Variants in N4BP2L2 observed in about 807,000 individuals in gnomAD.
N4BP2L2 encodes the protein NEDD4 binding protein 2 like 2.
N4BP2L2 carries 50 observed loss-of-function variants against 56.2 expected under a neutral mutation model. The ratio of observed to expected loss-of-function variants is 0.89; its 90% CI spans 0.71 to 1.13. N4BP2L2 has a LOEUF of 1.13. Ranked by LOEUF, N4BP2L2 falls within the 50% of genes most tolerant of loss-of-function variation. The pLI is 0.00. For synonymous variants in N4BP2L2, 203 were observed against 223.6 expected (o/e 0.91, Z 0.82); for missense variants, 689 against 693.8 (o/e 0.99, Z 0.08).
At chr13:32,477,538 T>C (rs766332539) in intron 6 of N4BP2L2, 2 of 217,230 alleles carry the variant, frequency 9.2e-6, no homozygotes, top group African/African-American at 2.3e-5. Flanking sequence ...GAACTGAGAG[T>C]TCCTTCCTAC....
intron 6 of N4BP2L2, among the ~76,000 whole-genome samples, chr13:32,486,374 C>T (rs971655696): frequency 5.3e-5 from 8 of 152,068 alleles, no homozygotes; most frequent in Non-Finnish European, 1.2e-4. Context: ...TAATTAAAAA[C>T]TATTAAAAAT....
chr13:32,438,577 C>T, intron 8 of N4BP2L2: 1 of 1,218,048 alleles, frequency 8.2e-7, no homozygotes, highest in Non-Finnish European at 1.2e-6. Context: ...CCAGCCTGGG[C>T]AACAAGAATG....
At chr13:32,489,907 C>T (rs1235662022) in intron 6 of N4BP2L2, among the ~76,000 whole-genome samples, 2 of 152,074 alleles carry the variant, frequency 1.3e-5, no homozygotes, top group Non-Finnish European at 2.9e-5. Context: ...ATAATAAACA[C>T]TAAAAAAGAT....
intron 6 of N4BP2L2, among the ~76,000 whole-genome samples, chr13:32,467,593 T>G (rs990885562): frequency 1.3e-5 from 2 of 151,500 alleles, no homozygotes; most frequent in African/African-American, 4.8e-5. Flanking sequence ...AGGGCACTAT[T>G]CTAGAGACAA....
chr13:32,521,542 A>T, intron 4 of N4BP2L2, 93 bp from the exon 5 acceptor site: 2 of 803,118 alleles, frequency 2.5e-6, no homozygotes, highest in Admixed American at 5.1e-5. Context: ...CGACAATACT[A>T]TACACTTGCT....
intron 2 of N4BP2L2, among the ~76,000 whole-genome samples, chr13:32,535,121 CTCATT>C (rs1174601076): frequency 2.0e-5 from 3 of 152,202 alleles, no homozygotes; most frequent in East Asian, 3.8e-4. Flanking sequence ...CTTGGGTCAT[CTCATT>C]TGATTCCCAA....
At chr13:32,450,622 C>T (rs2138457577) in intron 6 of N4BP2L2, among the ~76,000 whole-genome samples, 1 of 104,154 alleles carries the variant, frequency 9.6e-6, no homozygotes. Context: ...CTGCGCCCGG[C>T]TTTTTTTGTT....
downstream of N4BP2L2, chr13:32,508,891 TCAGA>T (rs991202915): frequency 2.0e-5 from 3 of 152,198 alleles, no homozygotes; most frequent in African/African-American, 4.8e-5. Flanking sequence ...AGTATTCTTC[TCAGA>T]CAGTCTAGAA....
intron 6 of N4BP2L2, among the ~76,000 whole-genome samples, chr13:32,499,971 C>G (rs1192109363): frequency 6.6e-6 from 1 of 152,222 alleles, no homozygotes; most frequent in Non-Finnish European, 1.5e-5. Flanking sequence ...TAGTTCTTGG[C>G]TACTGACTCT....
exon 6 of N4BP2L2, chr13:32,516,258 G>A (rs1382920542): frequency 6.6e-6 from 1 of 152,014 alleles, no homozygotes; most frequent in Non-Finnish European, 1.5e-5. Context: ...AAACATAGAT[G>A]AAGATGTGTA....
chr13:32,450,239 T>C (rs1423963202), intron 6 of N4BP2L2, among the ~76,000 whole-genome samples: 1 of 151,910 alleles, frequency 6.6e-6, no homozygotes, highest in Admixed American at 6.6e-5. Context: ...TTGGAAAAAA[T>C]TGTAAACATG....
chr13:32,466,832 C>T (rs1030299992), intron 6 of N4BP2L2, among the ~76,000 whole-genome samples: 1 of 152,120 alleles, frequency 6.6e-6, no homozygotes, highest in South Asian at 2.1e-4. Flanking sequence ...AATAGCTGCA[C>T]CTTACATGTT....
At chr13:32,535,935 A>T in exon 2 of N4BP2L2, 1 of 1,614,124 alleles carries the variant, frequency 6.2e-7, no homozygotes, top group Non-Finnish European at 8.5e-7. Flanking sequence ...ACTTCACAGA[A>T]ACCATTACTC....
chr13:32,523,227 T>C (rs59109434), intron 3 of N4BP2L2: 8,705 of 151,248 alleles, frequency 0.058, 846 homozygotes, highest in African/African-American at 0.2. Context: ...CTCATCTCTA[T>C]TAAAAATAAA....
At chr13:32,443,947 T>G (rs1359186035) in exon 7 of N4BP2L2, 1 of 1,599,694 alleles carries the variant, frequency 6.3e-7, no homozygotes, top group Admixed American at 1.7e-5. Context: ...TCTGGTCTTT[T>G]CAATGTCTTC....
At chr13:32,528,753 T>C (rs1342087540) in intron 2 of N4BP2L2, among the ~76,000 whole-genome samples, 1 of 152,058 alleles carries the variant, frequency 6.6e-6, no homozygotes, top group Non-Finnish European at 1.5e-5. Flanking sequence ...TAAAAGAATA[T>C]TGGCCTGGAA....
chr13:32,464,964 CTTGT>C (rs376667727), intron 6 of N4BP2L2, among the ~76,000 whole-genome samples: 2 of 151,994 alleles, frequency 1.3e-5, no homozygotes, highest in African/African-American at 2.4e-5. Context: ...AATCTAAATT[CTTGT>C]TTGTTTTTTT....
At chr13:32,483,131 C>T (rs1021002963) in intron 6 of N4BP2L2, among the ~76,000 whole-genome samples, 6 of 152,132 alleles carry the variant, frequency 3.9e-5, no homozygotes, top group African/African-American at 7.2e-5. Context: ...ATTAGTCAAA[C>T]GAAATCTTAA....
chr13:32,461,375 G>C (rs2080039915), intron 6 of N4BP2L2, among the ~76,000 whole-genome samples: 1 of 151,998 alleles, frequency 6.6e-6, no homozygotes, highest in Admixed American at 6.6e-5. Context: ...TATGACAAGG[G>C]ACTAATATAC....
Sources: gnomAD v4.1 joint callset for allele counts (sites outside exome capture counted in the v4.1 genomes callset) on GRCh38, gnomAD v4.1.1 for gene constraint, MANE v1.5 for transcripts, NCBI Gene and HGNC (gene_info 2026-07-23, HGNC 2026-07-21) for gene names.